Variants in DNAH8 observed in about 807,000 individuals in gnomAD.
DNAH8 encodes axonemal beta dynein heavy chain 8.
DNAH8 carries 382 observed loss-of-function variants against 562.1 expected under a neutral mutation model. That is an observed-to-expected ratio of 0.68 (90% CI 0.63 to 0.74). The LOEUF is 0.74. Ranked by LOEUF, DNAH8 falls within the 30% of genes least tolerant of loss-of-function variation. DNAH8 has a pLI of 0.00. For missense variants in DNAH8, 5,203 were observed against 5,620.4 expected (o/e 0.93, Z 2.37); for synonymous variants, 1,881 against 1,919.4 (o/e 0.98, Z 0.52).
At position 38,784,503 on chromosome 6, in the gene DNAH8, A is replaced by T. The variant is rs558172856; in HGVS notation, c.2395+1364A>T. ...TAATAATTCCTCCAGAGCCCACCAT[A>T]TACTTTATCTGTAGCTCTTTCTCAG... On this transcript the variant is annotated intron_variant, in intron 17 of 92. Coordinates refer to ENST00000327475, the MANE Select transcript of DNAH8 (RefSeq NM_001206927.2). 1.4e-4 allele frequency among the ~76,000 whole-genome samples: 22 copies of T among 152,180 alleles called. 1 individual carries two copies. The South Asian group carries it at 4.4e-3, about 30-fold the overall frequency.
At position 39,030,559 on chromosome 6, in the gene DNAH8, A is replaced by G. The variant is rs1258506781; in HGVS notation, c.*167A>G. 1.7e-6 allele frequency: 1 copy of G among 575,098 alleles called. No individual in the cohort carries two copies. The highest frequency in any genetic ancestry group is 1.9e-5 in the African/African-American group (1 of 53,524). The allele number at this position is 575,098 out of a possible 1,614,324, so 35.6% of individuals were successfully genotyped here. ...TAGTGCGTGTGTGTTTTCCTCACAT[A>G]TCAATATTCAAAAAGATAACTCTAA... On this transcript the variant is annotated 3_prime_UTR_variant, in exon 93 of 93. Coordinates refer to ENST00000327475, the MANE Select transcript of DNAH8 (RefSeq NM_001206927.2).
chr6:39,003,239 A>G (rs1320494348), intron 88 of DNAH8, among the ~76,000 whole-genome samples: 1 of 152,174 alleles, frequency 6.6e-6, no homozygotes, highest in African/African-American at 2.4e-5. Context: ...CTCTCTTTCC[A>G]TACACTGCAG....
intron 26 of DNAH8, among the ~76,000 whole-genome samples, chr6:38,819,083 C>T (rs1398498554): frequency 6.6e-6 from 1 of 152,182 alleles, no homozygotes; most frequent in Non-Finnish European, 1.5e-5. Flanking sequence ...CATAGCTTCC[C>T]CCACAAAGGG....
At chr6:39,009,113 A>G (rs1291513667) in intron 89 of DNAH8, 143 bp downstream of exon 89, 2 of 555,730 alleles carry the variant, frequency 3.6e-6, no homozygotes. Context: ...CTATATTACT[A>G]AACTCTGCAT....
At chr6:38,957,967 G>T (rs1762361492) in intron 82 of DNAH8, among the ~76,000 whole-genome samples, 1 of 148,328 alleles carries the variant, frequency 6.7e-6, no homozygotes, top group African/African-American at 2.5e-5. Flanking sequence ...TTGAAGGAAA[G>T]AAATAATAAA....
chr6:38,880,507 C>T (rs4562126), intron 53 of DNAH8, among the ~76,000 whole-genome samples: 64,492 of 151,786 alleles, frequency 0.42, 14,659 homozygotes, highest in East Asian at 0.84. Flanking sequence ...AAAAACCCAG[C>T]CACAGACTGT....
chr6:38,887,011 A>G lies in DNAH8; in HGVS notation c.8473+7A>G, dbSNP rs369355976. 5.7e-6 allele frequency: 9 copies of G among 1,570,950 alleles called. No homozygotes were observed. The highest frequency in any genetic ancestry group is 1.7e-4 in the Middle Eastern group (1 of 5,992). ...TCAATAGACAAAATTTTTGGTATGAATATTCTTAGCGTTTATTTTATTGCA... is the reference window on the plus strand; with the variant it reads ...TCAATAGACAAAATTTTTGGTATGAGTATTCTTAGCGTTTATTTTATTGCA... On this transcript the variant is annotated splice_region_variant and intron_variant, in intron 57 of 92. Coordinates refer to ENST00000327475, the MANE Select transcript of DNAH8 (RefSeq NM_001206927.2).
rs1164610964 is a variant in DNAH8 at position 38,945,589 on chromosome 6, G to A, written c.12129+1G>A. On this transcript the variant is annotated splice_donor_variant, in intron 80 of 92. Transcript: ENST00000327475. LOFTEE classifies it high-confidence loss of function. ...ACAATTTGCAGAAATTATGAACCAG[G>A]TAATACAATAAAGGGCTGGTTGAAA... 1.2e-6 allele frequency: 2 copies of A among 1,613,888 alleles called. No individual in the cohort carries two copies. The highest frequency in any genetic ancestry group is 1.7e-6 in the Non-Finnish European group (2 of 1,179,890).
chr6:38,921,201 G>T (rs1781676938), intron 70 of DNAH8, among the ~76,000 whole-genome samples, 168 bp from the exon 71 acceptor site: 1 of 152,154 alleles, frequency 6.6e-6, no homozygotes, highest in Non-Finnish European at 1.5e-5. Flanking sequence ...AAATTTAAAA[G>T]TAATGAAATA....
intron 91 of DNAH8, among the ~76,000 whole-genome samples, chr6:39,023,410 G>A (rs1367160843): frequency 6.6e-6 from 1 of 152,122 alleles, no homozygotes; most frequent in Non-Finnish European, 1.5e-5. Flanking sequence ...GGAGAGTGGT[G>A]TGAACCCGGG....
chr6:38,995,126 T>C (rs536287306), intron 88 of DNAH8, among the ~76,000 whole-genome samples: 2 of 151,540 alleles, frequency 1.3e-5, no homozygotes, highest in East Asian at 1.9e-4. Flanking sequence ...TTGTCAGAAA[T>C]TGGTGTTGAA....
At chr6:38,744,973 T>C (rs71571347) in intron 8 of DNAH8, among the ~76,000 whole-genome samples, 9,188 of 152,246 alleles carry the variant, frequency 0.06, 318 homozygotes, top group South Asian at 0.11. Context: ...CTATGACTCC[T>C]GGGCATCTCT....
intron 59 of DNAH8, 51 bp from the exon 60 acceptor site, chr6:38,895,982 A>G (rs765159570): frequency 1.3e-6 from 2 of 1,502,656 alleles, no homozygotes; most frequent in Non-Finnish European, 1.8e-6. Flanking sequence ...ATGTTCAGTT[A>G]GAAAAGATGC....
chr6:38,923,327 T>A, intron 72 of DNAH8, 142 bp downstream of exon 72: 2 of 974,098 alleles, frequency 2.1e-6, no homozygotes, highest in Non-Finnish European at 2.9e-6. Context: ...GGTGAAATAC[T>A]ATAGAGGGTG....
In DNAH8 at chr6:38,860,580, GAA is replaced by G. The variant is rs777912337; in HGVS notation, c.6083_6084del (p.Glu2028ValfsTer6). 2.2e-5 allele frequency: 34 copies of G among 1,537,090 alleles called. No individual in the cohort carries two copies. The highest frequency in any genetic ancestry group is 2.7e-5 in the Non-Finnish European group (31 of 1,151,690). On this transcript the variant is annotated frameshift_variant, in exon 43 of 93. Coordinates refer to ENST00000327475, the MANE Select transcript of DNAH8 (RefSeq NM_001206927.2). LOFTEE classifies it high-confidence loss of function. ...ITDVDFIYQN[E>X]FLGCTDRLVI... is the part of the protein sequence containing the mutation. ...AGATGTTGATTTTATTTACCAAAAT[GAA>G]TTTCTGGGATGTACTGATCGTCTTG...
intron 37 of DNAH8, among the ~76,000 whole-genome samples, 191 bp from the exon 38 acceptor site, chr6:38,850,060 A>G (rs1183557099): frequency 1.3e-5 from 2 of 152,064 alleles, no homozygotes; most frequent in Non-Finnish European, 2.9e-5. Context: ...GCATTTTAAT[A>G]TGCAGTTTTA....
In DNAH8 at chr6:38,775,690, C is replaced by T. The variant is rs1767994766; in HGVS notation, c.1765-64C>T. 4.0e-6 allele frequency: 4 copies of T among 994,438 alleles called. No homozygotes were observed. The South Asian group carries it at 4.7e-5, about 12-fold the overall frequency. The allele number at this position is 994,438 out of a possible 1,614,324, so 61.6% of individuals were successfully genotyped here. A position where few individuals can be genotyped will look rare whatever the true frequency, so the allele number is the denominator to read the frequency against. The stretch of plus-strand genomic sequence containing the variant: ...TTTTATATCAATGATTCATTAAGAG[C>T]TTATTTTAGGGAAGTTGCCTGCTAT... On this transcript the variant is annotated intron_variant, in intron 12 of 92. Transcript: ENST00000327475.
chr6:38,997,793 T>A (rs1316797046), intron 88 of DNAH8, among the ~76,000 whole-genome samples: 1 of 152,242 alleles, frequency 6.6e-6, no homozygotes, highest in Non-Finnish European at 1.5e-5. Context: ...AGTCTTACCC[T>A]GTTGCCCAAG....
rs1051351400 is a variant in DNAH8 at position 38,854,050 on chromosome 6, G to GTA, written c.5733+712_5733+713dup. 4.0e-5 allele frequency among the ~76,000 whole-genome samples: 6 copies of GTA among 151,470 alleles called. No individual in the cohort carries two copies. In the East Asian group the frequency reaches 6.0e-4, roughly 15 times the overall value. ...CGTGTGTGTGTGTGTATATATATAT[G>GTA]TATATATATACACCAATTCATAGAT... On this transcript the variant is annotated intron_variant, in intron 41 of 92. Transcript: ENST00000327475.
Sources: allele counts gnomAD v4.1 joint callset (sites outside exome capture counted in the v4.1 genomes callset), GRCh38; gene constraint gnomAD v4.1.1; transcripts MANE v1.5; gene names NCBI Gene and HGNC (gene_info 2026-07-23, HGNC 2026-07-21).